MARCHF1: variants seen among roughly 807,000 people sequenced by gnomAD.
The protein encoded by MARCHF1 is membrane associated ring-CH-type finger 1.
Under a neutral mutation model 54.2 loss-of-function variants are expected in MARCHF1, and 40 were observed. The ratio of observed to expected loss-of-function variants is 0.74; its 90% CI spans 0.57 to 0.96. The LOEUF is 0.96. Among genes scored for constraint, MARCHF1 ranks in the 40% least tolerant of loss-of-function variants. The pLI is 0.00. For synonymous variants in MARCHF1, 236 were observed against 236.3 expected, an observed-to-expected ratio of 1.00 and a Z score of 0.01; for missense variants, 586 against 656.5, an observed-to-expected ratio of 0.89 and a Z score of 1.17.
At chr4:163,923,289 T>C (rs1751470650) in intron 3 of MARCHF1, among the ~76,000 whole-genome samples, 1 of 152,130 alleles carries the variant, frequency 6.6e-6, no homozygotes, top group Admixed American at 6.6e-5. Flanking sequence ...CTGAAATCCA[T>C]TTTCAAAATG....
intron 3 of MARCHF1, among the ~76,000 whole-genome samples, chr4:163,974,369 C>A (rs939909604): frequency 6.6e-6 from 1 of 152,156 alleles, no homozygotes; most frequent in Non-Finnish European, 1.5e-5. Context: ...GTAAGGAAGC[C>A]AATGACACAA....
At chr4:163,886,998 T>G (rs1356354725) in intron 3 of MARCHF1, among the ~76,000 whole-genome samples, 1 of 152,188 alleles carries the variant, frequency 6.6e-6, no homozygotes, top group Non-Finnish European at 1.5e-5. Flanking sequence ...TCTCTTGAGC[T>G]CTGGACCCCC....
intron 8 of MARCHF1, among the ~76,000 whole-genome samples, chr4:163,556,206 A>G (rs1478172121): frequency 6.6e-6 from 1 of 152,126 alleles, no homozygotes; most frequent in African/African-American, 2.4e-5. Context: ...GATGAAGCTT[A>G]TATTAGGGTC....
intron 1 of MARCHF1, among the ~76,000 whole-genome samples, chr4:164,256,288 G>C (rs571403601): frequency 5.6e-4 from 85 of 151,638 alleles, no homozygotes; most frequent in African/African-American, 2.0e-3. Context: ...AAACTACTTA[G>C]AACTGAATGG....
intron 4 of MARCHF1, among the ~76,000 whole-genome samples, chr4:163,794,623 T>C (rs1363350856): frequency 6.6e-6 from 1 of 152,176 alleles, no homozygotes; most frequent in African/African-American, 2.4e-5. Context: ...TTCTGCCTAT[T>C]TCCTATATTT....
At chr4:163,963,845 G>C (rs1752387475) in intron 3 of MARCHF1, among the ~76,000 whole-genome samples, 1 of 151,888 alleles carries the variant, frequency 6.6e-6, no homozygotes, top group South Asian at 2.1e-4. Flanking sequence ...AAGAAAGTGA[G>C]TGAAGAAACA....
At chr4:163,735,442 G>A (rs1681095102) in intron 4 of MARCHF1, among the ~76,000 whole-genome samples, 2 of 152,140 alleles carry the variant, frequency 1.3e-5, no homozygotes, top group African/African-American at 4.8e-5. Flanking sequence ...GACACAGGCT[G>A]TCTTAGTTGG....
At chr4:164,142,539 G>C (rs1016727945) in intron 1 of MARCHF1, among the ~76,000 whole-genome samples, 1 of 152,148 alleles carries the variant, frequency 6.6e-6, no homozygotes, top group Non-Finnish European at 1.5e-5. Context: ...GCCTAACTGG[G>C]AGGCACCCCC....
At chr4:163,729,289 G>A (rs1745759321) in intron 4 of MARCHF1, among the ~76,000 whole-genome samples, 1 of 151,972 alleles carries the variant, frequency 6.6e-6, no homozygotes, top group African/African-American at 2.4e-5. Context: ...GGTAATGCTG[G>A]CCTCATGAAA....
At chr4:164,344,103 C>A (rs1034673348) in intron 1 of MARCHF1, among the ~76,000 whole-genome samples, 3 of 152,272 alleles carry the variant, frequency 2.0e-5, no homozygotes, top group African/African-American at 7.2e-5. Flanking sequence ...GGCCACAATC[C>A]TAAGCAAACA....
At chr4:163,660,224 T>TAA (rs755442918) in intron 5 of MARCHF1, among the ~76,000 whole-genome samples, 2 of 151,954 alleles carry the variant, frequency 1.3e-5, no homozygotes, top group African/African-American at 2.4e-5. Context: ...TATGCAGCCA[T>TAA]AAAAAATAAT....
chr4:164,201,219 GTT>G (rs1731443395), intron 1 of MARCHF1, among the ~76,000 whole-genome samples: 1 of 91,220 alleles, frequency 1.1e-5, no homozygotes, highest in Non-Finnish European at 2.0e-5. Context: ...GTTTTGTTTT[GTT>G]TTGTTTTGTT....
chr4:163,556,560 TTTTA>T (rs1311333799), intron 8 of MARCHF1, among the ~76,000 whole-genome samples: 2 of 151,738 alleles, frequency 1.3e-5, no homozygotes, highest in African/African-American at 4.8e-5. Context: ...TGATTTTTTT[TTTTA>T]CTCTCGAGAG....
At chr4:164,322,730 A>T (rs551860721) in intron 1 of MARCHF1, among the ~76,000 whole-genome samples, 2 of 152,164 alleles carry the variant, frequency 1.3e-5, no homozygotes, top group South Asian at 4.1e-4. Flanking sequence ...AATAAATAAA[A>T]AAGACAACAC....
chr4:164,098,560 T>TG (rs375377215), intron 2 of MARCHF1, among the ~76,000 whole-genome samples: 7 of 152,220 alleles, frequency 4.6e-5, no homozygotes, highest in South Asian at 2.1e-4. Flanking sequence ...AATCTTATTC[T>TG]GGGATTGGTA....
At chr4:164,367,845 T>TTA (rs1730919967) in intron 1 of MARCHF1, among the ~76,000 whole-genome samples, 1 of 152,088 alleles carries the variant, frequency 6.6e-6, no homozygotes, top group African/African-American at 2.4e-5. Context: ...AAATTAACCT[T>TTA]CTTAGAGTCT....
intron 4 of MARCHF1, among the ~76,000 whole-genome samples, chr4:163,786,839 C>G (rs547446111): frequency 6.6e-6 from 1 of 151,896 alleles, no homozygotes; most frequent in Non-Finnish European, 1.5e-5. Context: ...TCAGAATATA[C>G]TACAAATCAC....
chr4:163,978,624 C>T (rs1752695627), intron 3 of MARCHF1, among the ~76,000 whole-genome samples: 1 of 152,164 alleles, frequency 6.6e-6, no homozygotes, highest in African/African-American at 2.4e-5. Flanking sequence ...CTTCCAGATA[C>T]ATGCTTTTAA....
chr4:164,130,706 C>G (rs1374168897), intron 1 of MARCHF1, among the ~76,000 whole-genome samples: 2 of 152,144 alleles, frequency 1.3e-5, no homozygotes, highest in Admixed American at 1.3e-4. Context: ...TAAATGACTT[C>G]TCTAAATACT....
Sources: gnomAD v4.1 joint callset for allele counts (sites outside exome capture counted in the v4.1 genomes callset) on GRCh38, gnomAD v4.1.1 for gene constraint, MANE v1.5 for transcripts, NCBI Gene and HGNC (gene_info 2026-07-23, HGNC 2026-07-21) for gene names.